The following GPHN variants were observed in gnomAD, a reference collection of about 807,000 sequenced individuals.
The protein encoded by GPHN is gephyrin.
GPHN carries 17 observed loss-of-function variants against 95.5 expected under a neutral mutation model. The ratio of observed to expected loss-of-function variants is 0.18; its 90% CI spans 0.12 to 0.27. The LOEUF (loss-of-function observed/expected upper bound fraction) is 0.27, where lower values mean the gene tolerates loss of function less well. Among genes scored for constraint, GPHN ranks in the 10% least tolerant of loss-of-function variants. The pLI is 1.00. For synonymous variants in GPHN, 320 were observed against 322.5 expected, an observed-to-expected ratio of 0.99 and a Z score of 0.08; for missense variants, 660 against 978.1, an observed-to-expected ratio of 0.67 and a Z score of 4.34.
At chr14:67,065,764 T>TC (rs1429080405) in intron 11 of GPHN, among the ~76,000 whole-genome samples, 1 of 151,580 alleles carries the variant, frequency 6.6e-6, no homozygotes, top group African/African-American at 2.4e-5. Flanking sequence ...CTGCTTTTTT[T>TC]TTTTTTTTTG....
At chr14:67,374,398 C>T in the GPHN span, 2 of 890,614 alleles carry the variant, frequency 2.2e-6, no homozygotes, top group Admixed American at 2.7e-5. Flanking sequence ...TTAATTTGGT[C>T]TTCAAAGCTG....
At chr14:67,335,238 T>G in the GPHN span, 2 of 152,342 alleles carry the variant, frequency 1.3e-5, no homozygotes, top group African/African-American at 4.8e-5. Context: ...TGTGCTGATA[T>G]TCAACATAGT....
the GPHN span, among the ~76,000 whole-genome samples, chr14:67,493,048 G>A: frequency 6.6e-6 from 1 of 152,182 alleles, no homozygotes; most frequent in Admixed American, 6.5e-5. Flanking sequence ...TTAGAAAGAT[G>A]AGAAGAAGCC....
intron 1 of GPHN, among the ~76,000 whole-genome samples, chr14:66,614,252 C>T (rs1451612480): frequency 6.6e-6 from 1 of 152,062 alleles, no homozygotes; most frequent in East Asian, 1.9e-4. Flanking sequence ...GTTTGGAAAT[C>T]AAGCCTTTTT....
At chr14:67,232,036 G>T in the GPHN span, among the ~76,000 whole-genome samples, 1,720 of 152,106 alleles carry the variant, frequency 0.011, 16 homozygotes, top group Non-Finnish European at 0.018. Flanking sequence ...TAGATTATCT[G>T]GTGGTTTTAA....
At chr14:66,907,021 T>C (rs2065415683) in intron 5 of GPHN, among the ~76,000 whole-genome samples, 1 of 152,188 alleles carries the variant, frequency 6.6e-6, no homozygotes, top group Non-Finnish European at 1.5e-5. Flanking sequence ...TGTCTAGTCA[T>C]TCTATCATAT....
intron 21 of GPHN, among the ~76,000 whole-genome samples, chr14:67,171,939 A>T (rs2082624863): frequency 6.6e-6 from 1 of 152,104 alleles, no homozygotes; most frequent in Admixed American, 6.5e-5. Flanking sequence ...ACAATGGGAA[A>T]CCCTGCAGCC....
chr14:67,052,293 G>C (rs181254786), intron 10 of GPHN, among the ~76,000 whole-genome samples: 2 of 151,638 alleles, frequency 1.3e-5, no homozygotes, highest in Non-Finnish European at 2.9e-5. Context: ...GAGAAAACCA[G>C]GGGTTGCAAT....
the GPHN span, among the ~76,000 whole-genome samples, chr14:67,290,521 G>A: frequency 1.3e-5 from 2 of 152,128 alleles, no homozygotes; most frequent in African/African-American, 4.8e-5. Flanking sequence ...TGGGACTAAG[G>A]CACATGCCAC....
At chr14:67,387,382 T>A in the GPHN span, 1 of 1,611,408 alleles carries the variant, frequency 6.2e-7, no homozygotes, top group East Asian at 2.2e-5. Flanking sequence ...GCCTTGCTGC[T>A]GGCCTGAATG....
chr14:66,757,246 C>T (rs2058590331), intron 2 of GPHN, among the ~76,000 whole-genome samples: 1 of 152,040 alleles, frequency 6.6e-6, no homozygotes, highest in South Asian at 2.1e-4. Context: ...TACATAAAAT[C>T]ATCTTTTTCA....
the GPHN span, chr14:67,582,293 T>TCTGCAGATC: frequency 1.2e-6 from 2 of 1,601,298 alleles, no homozygotes; most frequent in Non-Finnish European, 1.7e-6. This position sits in a 1 kb window ranked among gnomAD's most constrained non-coding sequence, Gnocchi z 5.0. Flanking sequence ...CAGGAGAGAT[T>TCTGCAGATC]CTGCAGATCC....
chr14:67,108,582 T>A (rs772237762), intron 13 of GPHN, among the ~76,000 whole-genome samples: 4 of 152,178 alleles, frequency 2.6e-5, no homozygotes, highest in Non-Finnish European at 4.4e-5. Context: ...ATATTAGTTA[T>A]TGGTAGTATT....
the GPHN span, among the ~76,000 whole-genome samples, chr14:67,411,464 C>T: frequency 6.6e-6 from 1 of 152,120 alleles, no homozygotes; most frequent in South Asian, 2.1e-4. Flanking sequence ...TTTGGGTCAA[C>T]CTGAGTGGGT....
the GPHN span, among the ~76,000 whole-genome samples, chr14:67,268,704 A>T: frequency 6.6e-6 from 1 of 152,200 alleles, no homozygotes; most frequent in South Asian, 2.1e-4. Context: ...AGTGAGCACA[A>T]CCAGAGGTCG....
the GPHN span, chr14:67,695,889 A>C: frequency 1.7e-6 from 1 of 599,172 alleles, no homozygotes; most frequent in African/African-American, 1.9e-5. Context: ...ACGCTGGCAG[A>C]AGTTGAATTA....
chr14:66,848,314 GTTC>G (rs2062424017), intron 4 of GPHN, among the ~76,000 whole-genome samples: 1 of 151,990 alleles, frequency 6.6e-6, no homozygotes, highest in Admixed American at 6.6e-5. Context: ...GCCCTACAGA[GTTC>G]TTAAGCAGAG....
At chr14:67,100,335 T>C (rs2077627665) in intron 12 of GPHN, among the ~76,000 whole-genome samples, 1 of 152,222 alleles carries the variant, frequency 6.6e-6, no homozygotes, top group Admixed American at 6.5e-5. Flanking sequence ...ATGTTCTTCC[T>C]ATTTCACATC....
At chr14:67,289,763 C>T in the GPHN span, among the ~76,000 whole-genome samples, 5 of 147,132 alleles carry the variant, frequency 3.4e-5, no homozygotes, top group African/African-American at 1.3e-4. Flanking sequence ...GATTTTTTTC[C>T]ATGTCCTTTT....
Sources: gnomAD v4.1 joint callset for allele counts (sites outside exome capture counted in the v4.1 genomes callset) on GRCh38, gnomAD v4.1.1 for gene constraint, Gnocchi (gnomAD v3.1) non-coding constraint, MANE v1.5 for transcripts, NCBI Gene and HGNC (gene_info 2026-07-23, HGNC 2026-07-21) for gene names.